SQOR: variants seen among roughly 807,000 people sequenced by gnomAD.
SQOR encodes the protein sulfide:quinone oxidoreductase, mitochondrial.
In SQOR, 39 loss-of-function variants were observed where a neutral mutation model predicts 48.6. The observed-to-expected ratio is 0.80, with a 90% CI of 0.62 to 1.05. SQOR has a LOEUF of 1.05. SQOR is among the 50% of genes least tolerant of loss of function. The pLI is 0.00. For synonymous variants in SQOR, 220 were observed against 206.2 expected (o/e 1.07, Z -0.57); for missense variants, 561 against 559.9 (o/e 1.00, Z -0.02).
chr15:45,662,288 A>G lies in SQOR; in HGVS notation c.405+163A>G, dbSNP rs115029765. ...ACACAAGATGGCAGGGTATGTGGTAAGTGGAGGATAGATGGAAGGACTGAG... is the reference window on the plus strand; with the variant it reads ...ACACAAGATGGCAGGGTATGTGGTAGGTGGAGGATAGATGGAAGGACTGAG... On this transcript the variant is annotated intron_variant, in intron 3 of 9. Transcript: ENST00000260324. 9.0e-3 allele frequency among the ~76,000 whole-genome samples: 1,365 copies of G among 152,300 alleles called. 22 individuals are homozygous for G. The highest frequency in any genetic ancestry group is 0.031 in the African/African-American group (1,287 of 41,552).
chr15:45,690,945 G>T, intron 9 of SQOR, 28 bp from the exon 10 acceptor site: 1 of 1,611,272 alleles, frequency 6.2e-7, no homozygotes, highest in East Asian at 2.2e-5. Flanking sequence ...CTTGCTGCAG[G>T]TACATTTTTT....
At position 45,673,804 on chromosome 15, in the gene SQOR, A is replaced by G. The variant is rs928564640; in HGVS notation, c.654+3A>G. On this transcript the variant is annotated splice_donor_region_variant and intron_variant, in intron 5 of 9. Coordinates refer to ENST00000260324, the MANE Select transcript of SQOR (RefSeq NM_021199.4). ...TATCAGAAGCCTACTTCAGGAAGGT[A>G]TGCTTCCTTTCTGGGGACAGAGATG... is the stretch of plus-strand genomic sequence containing the variant. The G allele has an allele frequency of 1.2e-6, 2 of 1,613,820 alleles. No homozygotes were observed. The highest frequency in any genetic ancestry group is 1.7e-5 in the Admixed American group (1 of 60,018).
chr15:45,664,524 A>C (rs976395444), intron 3 of SQOR, among the ~76,000 whole-genome samples: 3 of 151,912 alleles, frequency 2.0e-5, no homozygotes, highest in Admixed American at 6.6e-5. Flanking sequence ...TTTAAACACC[A>C]TCTGGCTTGT....
chr15:45,648,628 G>A (rs528925945), intron 1 of SQOR, among the ~76,000 whole-genome samples: 2 of 152,348 alleles, frequency 1.3e-5, no homozygotes, highest in South Asian at 2.1e-4. Flanking sequence ...TAGTTGAGGA[G>A]GAGGAGGAGT....
chr15:45,667,553 C>T (rs2140952846), intron 3 of SQOR, among the ~76,000 whole-genome samples: 1 of 152,252 alleles, frequency 6.6e-6, no homozygotes, highest in East Asian at 1.9e-4. Flanking sequence ...GACCTGAAAA[C>T]TTGAACTCAT....
chr15:45,658,473 A>C (rs1000347779), intron 1 of SQOR, among the ~76,000 whole-genome samples: 4 of 152,186 alleles, frequency 2.6e-5, no homozygotes, highest in African/African-American at 9.7e-5. Context: ...TAGGTCTCTA[A>C]TTGTGGACTC....
At chr15:45,645,110 C>T (rs1270255468) in intron 1 of SQOR, among the ~76,000 whole-genome samples, 1 of 152,168 alleles carries the variant, frequency 6.6e-6, no homozygotes, top group African/African-American at 2.4e-5. Context: ...AGTCAGTTGC[C>T]TTCCTGGTTT....
chr15:45,659,042 C>T lies in SQOR; in HGVS notation c.119C>T (p.Ala40Val). The T allele has an allele frequency of 6.2e-7, 1 of 1,600,394 alleles. No homozygotes were observed. Among genetic ancestry groups the T allele is most frequent in the South Asian group, 1.1e-5 (1 of 88,800 alleles). ...CTGCACACCGGGGCCAGCCATGCGG[C>T]CAGGAACCATTATGAGGTGCTGGTG... ...LQLHTGASHA[A>V]RNHYEVLVLG... is the part of the protein sequence containing the mutation. The change falls in exon 2 of 10, where the codon GCC becomes GTC. Residue 40 changes from alanine (A) to valine (V), a missense_variant. Physicochemically the swap from Ala to Val is moderately conservative, Grantham distance 64 (BLOSUM62 0). Coordinates refer to ENST00000260324, the MANE Select transcript of SQOR (RefSeq NM_021199.4).
intron 7 of SQOR, among the ~76,000 whole-genome samples, chr15:45,687,491 G>A (rs1419402630): frequency 6.6e-6 from 1 of 152,194 alleles, no homozygotes; most frequent in Non-Finnish European, 1.5e-5. Context: ...TTTTGGGGGT[G>A]CGAAAATACT....
chr15:45,661,927 A>C (rs1225631020), intron 2 of SQOR, 28 bp from the exon 3 acceptor site: 2 of 1,606,366 alleles, frequency 1.2e-6, no homozygotes. Flanking sequence ...TCAAATTGCA[A>C]TAAATCTTCA....
Position 45,635,680 on chromosome 15 carries a change from T to C in SQOR, c.-18+572T>C, listed in dbSNP as rs115009743. Among the ~76,000 whole-genome samples, 975 of 152,348 alleles carry C rather than the reference T, an allele frequency of 6.4e-3. 2 individuals are homozygous for C. The highest frequency in any genetic ancestry group is 0.023 in the African/African-American group (939 of 41,576). ...TCATTTCCTTTCCTCTTCATCTGTC[T>C]CTTTTATTTATCAAAATTCCAACCT... On this transcript the variant is annotated intron_variant, in intron 1 of 9. Transcript: ENST00000260324.
At chr15:45,634,290 G>GT (rs1440714846), upstream of SQOR, among the ~76,000 whole-genome samples, 5 of 145,288 alleles carry the variant, frequency 3.4e-5, no homozygotes, top group African/African-American at 1.3e-4. Flanking sequence ...ATTTTTGTTT[G>GT]TTTTTTTGAA....
intron 6 of SQOR, among the ~76,000 whole-genome samples, chr15:45,678,200 G>A (rs1890069979): frequency 6.6e-6 from 1 of 152,092 alleles, no homozygotes; most frequent in Admixed American, 6.6e-5. Context: ...GAAGTCTGTG[G>A]GAAGACACTT....
chr15:45,649,226 TA>T (rs1219171790), intron 1 of SQOR, among the ~76,000 whole-genome samples: 1 of 152,212 alleles, frequency 6.6e-6, no homozygotes, highest in Non-Finnish European at 1.5e-5. Flanking sequence ...GGTCTGGAAC[TA>T]GGGGCCAGTG....
At chr15:45,683,799 G>A (rs1050139872) in intron 7 of SQOR, among the ~76,000 whole-genome samples, 1 of 151,416 alleles carries the variant, frequency 6.6e-6, no homozygotes, top group African/African-American at 2.4e-5. Context: ...TTAATATTTT[G>A]TGACATTTGC....
chr15:45,658,953 G>GC lies in SQOR; in HGVS notation c.34dup (p.Arg12ProfsTer34), dbSNP rs1566917914. On this transcript the variant is annotated frameshift_variant, in exon 2 of 10. Coordinates refer to ENST00000260324, the MANE Select transcript of SQOR (RefSeq NM_021199.4). LOFTEE classifies it high-confidence loss of function. ...TGCCACTGGTGGCTGTGGTATCAGG[G>GC]CCCCGTGCCCAGCTCTTTGCCTGCC... 1 of 1,573,798 alleles carries GC rather than the reference G, an allele frequency of 6.4e-7. No homozygotes were observed. The highest frequency in any genetic ancestry group is 1.2e-5 in the South Asian group (1 of 86,528).
intron 7 of SQOR, 131 bp from the exon 8 acceptor site, chr15:45,688,206 G>A: frequency 1.6e-6 from 1 of 625,274 alleles, no homozygotes; most frequent in Non-Finnish European, 2.7e-6. Context: ...TAGTAAGAAG[G>A]TCATGTTCTA....
At chr15:45,633,693 C>CAAAAA (rs397854330), upstream of SQOR, among the ~76,000 whole-genome samples, 5 of 77,524 alleles carry the variant, frequency 6.4e-5, no homozygotes, top group East Asian at 3.7e-4. Context: ...GACTTCGCCT[C>CAAAAA]AAAAAAAAAA....
rs16946938 is a variant in SQOR at position 45,678,654 on chromosome 15, C to T, written c.864+2344C>T. 7.0e-3 allele frequency among the ~76,000 whole-genome samples: 1,065 copies of T among 152,026 alleles called. 9 individuals are homozygous for T. The highest frequency in any genetic ancestry group is 0.025 in the African/African-American group (1,030 of 41,446). ...TCAGGGTCATCATTTTGAATAGCTCCTGTGTAGTTATGCACACAGAGGCTA... is the reference window on the plus strand; with the variant it reads ...TCAGGGTCATCATTTTGAATAGCTCTTGTGTAGTTATGCACACAGAGGCTA... On this transcript the variant is annotated intron_variant, in intron 6 of 9. Coordinates refer to ENST00000260324, the MANE Select transcript of SQOR (RefSeq NM_021199.4).
Sources: allele counts gnomAD v4.1 joint callset (sites outside exome capture counted in the v4.1 genomes callset), GRCh38; gene constraint gnomAD v4.1.1; transcripts MANE v1.5; gene names NCBI Gene and HGNC (gene_info 2026-07-23, HGNC 2026-07-21).